BTG4: variants seen among roughly 807,000 people sequenced by gnomAD.
BTG4 encodes protein BTG4.
In BTG4, 10 loss-of-function variants were observed where a neutral mutation model predicts 19.3. That is an observed-to-expected ratio of 0.52 (90% CI 0.32 to 0.88). The LOEUF (loss-of-function observed/expected upper bound fraction) is 0.88. Ranked by LOEUF, BTG4 falls within the 40% of genes least tolerant of loss-of-function variation. The probability of loss-of-function intolerance (pLI) is 0.04; values close to 1 mark genes in which losing one functional copy is unlikely to be tolerated. For missense variants in BTG4, 238 were observed against 281.9 expected (o/e 0.84, Z 1.11); for synonymous variants, 91 against 95.7 (o/e 0.95, Z 0.29).
At chr11:111,388,944 C>T in the BTG4 span, among the ~76,000 whole-genome samples, 1 of 152,202 alleles carries the variant, frequency 6.6e-6, no homozygotes, top group Non-Finnish European at 1.5e-5. Context: ...TCTTCCTCTT[C>T]CTGAAACTTT....
At chr11:111,429,539 T>C in the BTG4 span, among the ~76,000 whole-genome samples, 4 of 152,318 alleles carry the variant, frequency 2.6e-5, no homozygotes, top group East Asian at 7.7e-4. Flanking sequence ...GGGTTTATAA[T>C]TGGTAAACAG....
At chr11:111,453,800 C>T in the BTG4 span, among the ~76,000 whole-genome samples, 1 of 152,242 alleles carries the variant, frequency 6.6e-6, no homozygotes, top group African/African-American at 2.4e-5. Context: ...CATCTAAACA[C>T]ACTTTCCAAA....
chr11:111,514,202 T>G (rs1591552072), upstream of BTG4: 1 of 156,110 alleles, frequency 6.4e-6, no homozygotes, highest in Middle Eastern at 3.4e-3. Context: ...TGGGAGTGAT[T>G]AGTAAATGCA....
chr11:111,475,975 C>A (rs188069202), intron 5 of BTG4, among the ~76,000 whole-genome samples: 206 of 152,136 alleles, frequency 1.4e-3, no homozygotes, highest in Non-Finnish European at 2.4e-3. Flanking sequence ...TTCACCACCA[C>A]AAGAACAGTA....
chr11:111,404,814 A>G, the BTG4 span: 1 of 368,296 alleles, frequency 2.7e-6, no homozygotes, highest in Non-Finnish European at 5.4e-6. Context: ...TACAATTAGC[A>G]GCATGTTCCC....
intron 1 of BTG4, among the ~76,000 whole-genome samples, chr11:111,501,894 T>C (rs1287730873): frequency 6.6e-6 from 1 of 152,224 alleles, no homozygotes; most frequent in East Asian, 1.9e-4. Flanking sequence ...TTAAGATTAA[T>C]TTAATTCAAT....
chr11:111,500,029 C>T (rs1865970888), intron 1 of BTG4, among the ~76,000 whole-genome samples: 1 of 152,004 alleles, frequency 6.6e-6, no homozygotes, highest in Non-Finnish European at 1.5e-5. Context: ...GTAGTCCCAG[C>T]TACTCAGGAG....
chr11:111,500,837 T>C (rs769682601), intron 1 of BTG4, among the ~76,000 whole-genome samples: 12 of 152,184 alleles, frequency 7.9e-5, no homozygotes, highest in African/African-American at 1.7e-4. Flanking sequence ...CAGACTCACA[T>C]TGAATTTGCA....
chr11:111,389,838 A>T, the BTG4 span, among the ~76,000 whole-genome samples: 7 of 152,242 alleles, frequency 4.6e-5, no homozygotes, highest in Admixed American at 2.0e-4. Context: ...CAATCACACC[A>T]TAAAAAAACA....
the BTG4 span, among the ~76,000 whole-genome samples, chr11:111,446,289 T>G: frequency 1.3e-5 from 2 of 152,224 alleles, no homozygotes; most frequent in Non-Finnish European, 2.9e-5. Context: ...ATCTTTTTGT[T>G]TCTCCATTTC....
chr11:111,384,196 C>T, the BTG4 span, among the ~76,000 whole-genome samples: 1 of 151,970 alleles, frequency 6.6e-6, no homozygotes, highest in Non-Finnish European at 1.5e-5. Flanking sequence ...CCTTCCGATT[C>T]TTCCATCTCT....
At chr11:111,483,232 T>C (rs1254817396) in intron 5 of BTG4, among the ~76,000 whole-genome samples, 1 of 152,174 alleles carries the variant, frequency 6.6e-6, no homozygotes, top group Non-Finnish European at 1.5e-5. Context: ...AATCCCCTTT[T>C]AATATGTGGA....
rs766954448 is a variant in BTG4, at chr11:111,495,248, C to T, written c.577G>A (p.Gly193Ser). 1.7e-5 allele frequency: 27 copies of T among 1,612,176 alleles called. No homozygotes were observed. Among genetic ancestry groups the T allele is most frequent in the South Asian group, 7.7e-5 (7 of 90,636 alleles). Residue 193 changes from glycine to serine, a missense_variant, in exon 5 of 5, where the codon GGC becomes AGC. Gly to Ser is a moderately conservative substitution (Grantham distance 56). Coordinates refer to ENST00000692032, the MANE Select transcript of BTG4 (RefSeq NM_001367975.1). ...QIPRKKNVVD[G>S]RVGLLGNTYH... is the part of the protein sequence containing the mutation. ...GTGTTTCCCAGGAGGCCAACACGGCCGTCCACCACATTCTTTTTGCGGGGG... is the reference window on the plus strand; with the variant it reads ...GTGTTTCCCAGGAGGCCAACACGGCTGTCCACCACATTCTTTTTGCGGGGG...
intron 1 of BTG4, among the ~76,000 whole-genome samples, chr11:111,506,010 T>C (rs917486075): frequency 1.3e-5 from 2 of 152,136 alleles, no homozygotes; most frequent in African/African-American, 4.8e-5. Flanking sequence ...AAGGGAATAC[T>C]CACACACTGT....
chr11:111,393,593 G>A, the BTG4 span, among the ~76,000 whole-genome samples: 1 of 152,296 alleles, frequency 6.6e-6, no homozygotes, highest in East Asian at 1.9e-4. Flanking sequence ...GGAACAGCTG[G>A]GAAGAGGTTG....
chr11:111,406,074 C>T, the BTG4 span, among the ~76,000 whole-genome samples: 2 of 152,074 alleles, frequency 1.3e-5, no homozygotes, highest in South Asian at 2.1e-4. Flanking sequence ...TTATTACTGC[C>T]CTTACTTCAG....
At chr11:111,479,752 A>G (rs1233429889) in intron 5 of BTG4, among the ~76,000 whole-genome samples, 2 of 152,150 alleles carry the variant, frequency 1.3e-5, no homozygotes, top group South Asian at 4.1e-4. Context: ...TAAGGTTTTT[A>G]TATTTTACTT....
intron 5 of BTG4, among the ~76,000 whole-genome samples, chr11:111,469,532 C>A (rs1863931181): frequency 1.3e-5 from 2 of 152,162 alleles, no homozygotes; most frequent in Admixed American, 6.5e-5. Context: ...CAGCATATGA[C>A]AAAATGCACG....
At chr11:111,484,448 T>C (rs564155342) in intron 5 of BTG4, among the ~76,000 whole-genome samples, 3 of 152,188 alleles carry the variant, frequency 2.0e-5, no homozygotes, top group Admixed American at 1.3e-4. Context: ...ATACACAGTA[T>C]AAAAAGATAA....
Sources: allele counts gnomAD v4.1 joint callset (sites outside exome capture counted in the v4.1 genomes callset), GRCh38; gene constraint gnomAD v4.1.1; transcripts MANE v1.5; gene names NCBI Gene and HGNC (gene_info 2026-07-23, HGNC 2026-07-21).